NHSL2: variants seen among roughly 807,000 people sequenced by gnomAD.
NHSL2 encodes NHS like 2, also known as NHS-like protein 2.
Under a neutral mutation model 53.4 loss-of-function variants are expected in NHSL2, and 27 were observed. The observed-to-expected ratio is 0.51, with a 90% CI of 0.37 to 0.70. The LOEUF is 0.70. Ranked by LOEUF, NHSL2 falls within the 30% of genes least tolerant of loss-of-function variation. NHSL2 has a pLI of 0.00. For missense variants in NHSL2, 892 were observed against 980.1 expected (o/e 0.91, Z 1.20); for synonymous variants, 408 against 404.1 (o/e 1.01, Z -0.12).
At chrX:71,916,905 A>G (rs2041630883) in intron 1 of NHSL2, among the ~76,000 whole-genome samples, 1 of 111,895 alleles carries the variant, frequency 8.9e-6, no homozygotes, top group Admixed American at 9.4e-5. Flanking sequence ...TCTGCAAACT[A>G]ACAGACTTCT....
intron 1 of NHSL2, among the ~76,000 whole-genome samples, chrX:72,007,561 C>T (rs2042099585): frequency 8.8e-6 from 1 of 113,081 alleles, no homozygotes; most frequent in African/African-American, 3.2e-5. Flanking sequence ...GAAAGGTGGG[C>T]ATGAGAAGAG....
At chrX:72,029,557 C>T (rs1251605613) in intron 1 of NHSL2, among the ~76,000 whole-genome samples, 2 of 112,876 alleles carry the variant, frequency 1.8e-5, no homozygotes, top group Non-Finnish European at 3.7e-5. Context: ...ACTGTGGCTG[C>T]TCCTGCCTCC....
chrX:71,950,138 T>C (rs2041813599), intron 1 of NHSL2, among the ~76,000 whole-genome samples: 1 of 113,369 alleles, frequency 8.8e-6, no homozygotes, highest in African/African-American at 3.2e-5. Context: ...AGAGTATTTT[T>C]TTTTCCACCT....
At chrX:71,977,694 T>G (rs1023326220) in intron 1 of NHSL2, among the ~76,000 whole-genome samples, 7 of 111,818 alleles carry the variant, frequency 6.3e-5, no homozygotes, top group African/African-American at 2.3e-4. Flanking sequence ...ATTACAGGCA[T>G]GAGCCACCGC....
intron 1 of NHSL2, among the ~76,000 whole-genome samples, chrX:72,032,267 C>G (rs1471975545): frequency 1.8e-5 from 2 of 110,996 alleles, no homozygotes; most frequent in Non-Finnish European, 3.8e-5. Flanking sequence ...GTGGCAGGGA[C>G]CTGTAATCCC....
rs1419634704 is a variant in NHSL2 at position 71,910,890 on chromosome X, G to T, written c.-198G>T. The T allele has an allele frequency of 4.1e-6, 1 of 243,024 alleles. No individual in the cohort carries two copies. The highest frequency in any genetic ancestry group is 7.2e-6 in the Non-Finnish European group (1 of 139,242). The allele number at this position is 243,024 out of a possible 1,213,427, so 20.0% of individuals were successfully genotyped here. ...CGAGTGTGCAGCCCCGGGGGAGCCG[G>T]CGCTCTAGGCGAGGAACCCGTCAGC... On this transcript the variant is annotated 5_prime_UTR_variant, in exon 1 of 8. Coordinates refer to ENST00000633930, the MANE Select transcript of NHSL2 (RefSeq NM_001013627.3).
rs946940405 is a variant in NHSL2 at position 72,101,053 on chromosome X, T to C, written c.281-31026T>C. ...TGCCTGTTTCCTTTTTTTTTTTTTT[T>C]TCAAAAGCAGAGTGTGTGGCAACGG... On this transcript the variant is annotated intron_variant, in intron 1 of 7. Coordinates refer to ENST00000633930, the MANE Select transcript of NHSL2 (RefSeq NM_001013627.3). Among the ~76,000 whole-genome samples the C allele has an allele frequency of 2.7e-5, 3 of 109,534 alleles. 1 individual carries two copies. In the East Asian group the frequency reaches 8.6e-4, roughly 31 times the overall value.
intron 1 of NHSL2, among the ~76,000 whole-genome samples, chrX:71,940,312 T>G (rs1394162680): frequency 8.9e-6 from 1 of 112,164 alleles, no homozygotes; most frequent in Non-Finnish European, 1.9e-5. Context: ...ACTAGTTTCG[T>G]GGAGTGGTAG....
chrX:72,033,508 T>C (rs977942428), intron 1 of NHSL2, among the ~76,000 whole-genome samples: 3 of 112,348 alleles, frequency 2.7e-5, no homozygotes, highest in Non-Finnish European at 5.6e-5. Flanking sequence ...CTTTACTACG[T>C]TGAGTCTTCC....
chrX:72,035,614 C>G (rs774031669), intron 1 of NHSL2, among the ~76,000 whole-genome samples: 1 of 111,464 alleles, frequency 9.0e-6, no homozygotes, highest in Non-Finnish European at 1.9e-5. Context: ...CTTTTAGCCT[C>G]CCTTATTTAT....
At chrX:72,077,675 G>T in intron 1 of NHSL2, among the ~76,000 whole-genome samples, 1 of 112,507 alleles carries the variant, frequency 8.9e-6, no homozygotes, top group East Asian at 2.8e-4. Flanking sequence ...CTGGCCATGT[G>T]CAATGTGCAA....
At chrX:72,111,486 A>G (rs1355044651) in intron 1 of NHSL2, among the ~76,000 whole-genome samples, 1 of 112,626 alleles carries the variant, frequency 8.9e-6, no homozygotes. Flanking sequence ...TACTGGACAC[A>G]CTCATAGCAA....
intron 1 of NHSL2, among the ~76,000 whole-genome samples, chrX:72,056,808 G>A (rs1019583350): frequency 2.7e-5 from 3 of 112,785 alleles, no homozygotes; most frequent in African/African-American, 6.4e-5. Context: ...CATCAGTGCT[G>A]CCTACAAATA....
At chrX:72,121,033 C>T (rs1351386616) in intron 1 of NHSL2, among the ~76,000 whole-genome samples, 3 of 112,507 alleles carry the variant, frequency 2.7e-5, no homozygotes, top group Non-Finnish European at 5.6e-5. Context: ...GCCTGCTCTT[C>T]GTGAGTGCCA....
chrX:71,933,968 G>A (rs2041725709), intron 1 of NHSL2, among the ~76,000 whole-genome samples: 1 of 111,226 alleles, frequency 9.0e-6, no homozygotes, highest in Admixed American at 9.5e-5. Context: ...AATTTGATCT[G>A]CGATCAGGCA....
rs1330114683 is a variant in NHSL2 at position 72,092,574 on chromosome X, C to G, written c.281-39505C>G. 2.7e-5 allele frequency among the ~76,000 whole-genome samples: 3 copies of G among 111,606 alleles called. No homozygotes were observed. The East Asian group carries it at 8.4e-4, about 31-fold the overall frequency. ...TCCATTTGTGACCTAAAGAACAGTG[C>G]CCGGCACAGAGTAGCCACTCAACAA... On this transcript the variant is annotated intron_variant, in intron 1 of 7. Coordinates refer to ENST00000633930, the MANE Select transcript of NHSL2 (RefSeq NM_001013627.3).
intron 1 of NHSL2, among the ~76,000 whole-genome samples, chrX:72,046,888 A>G (rs2042308722): frequency 9.1e-6 from 1 of 110,442 alleles, no homozygotes; most frequent in Non-Finnish European, 1.9e-5. Context: ...GCCCCCAAAC[A>G]ACATTATTAA....
chrX:71,964,029 A>ATATATATATGTGTGTGTG (rs1556312371), intron 1 of NHSL2, among the ~76,000 whole-genome samples: 11,496 of 31,716 alleles, frequency 0.36, 2,373 homozygotes, highest in South Asian at 0.48. Context: ...ATATATGTGT[A>ATATATATATGTGTGTGTG]TATATATATA....
chrX:71,987,744 A>T (rs1301376577), intron 1 of NHSL2, among the ~76,000 whole-genome samples: 1 of 112,135 alleles, frequency 8.9e-6, no homozygotes, highest in African/African-American at 3.2e-5. Context: ...ATATACATAC[A>T]CAGACAGACA....
Sources: gnomAD v4.1 joint callset for allele counts (sites outside exome capture counted in the v4.1 genomes callset) on GRCh38, gnomAD v4.1.1 for gene constraint, MANE v1.5 for transcripts, NCBI Gene and HGNC (gene_info 2026-07-23, HGNC 2026-07-21) for gene names.